The following PCDHGA4 variants were observed in gnomAD, a reference collection of about 807,000 sequenced individuals.
PCDHGA4 encodes protocadherin gamma subfamily A, 4.
PCDHGA4 carries 38 observed loss-of-function variants against 54.6 expected under a neutral mutation model. The ratio of observed to expected loss-of-function variants is 0.70; its 90% CI spans 0.54 to 0.91. The LOEUF is 0.91. Among genes scored for constraint, PCDHGA4 ranks in the 40% least tolerant of loss-of-function variants. The pLI is 0.00. For missense variants in PCDHGA4, 1,298 were observed against 1,220.9 expected (o/e 1.06, Z -0.94); for synonymous variants, 511 against 512.9 (o/e 1.00, Z 0.05).
chr5:141,460,092 T>C (rs186695697), intron 1 of PCDHGA4, among the ~76,000 whole-genome samples: 37 of 152,056 alleles, frequency 2.4e-4, no homozygotes, highest in Admixed American at 9.8e-4. Context: ...ATAATAATTA[T>C]ACATGTAATT....
intron 1 of PCDHGA4, chr5:141,423,320 T>C: frequency 6.2e-7 from 1 of 1,614,148 alleles, no homozygotes; most frequent in Non-Finnish European, 8.5e-7. Flanking sequence ...GTGGTGGCGG[T>C]GGCCGCAGTC....
chr5:141,371,942 G>A, intron 1 of PCDHGA4: 5 of 1,613,292 alleles, frequency 3.1e-6, no homozygotes, highest in South Asian at 2.2e-5. Flanking sequence ...TGGTGTTCGC[G>A]CAGCGAGCCT....
At chr5:141,458,132 G>C (rs2098938269) in intron 1 of PCDHGA4, among the ~76,000 whole-genome samples, 1 of 152,218 alleles carries the variant, frequency 6.6e-6, no homozygotes, top group South Asian at 2.1e-4. Flanking sequence ...GAACCAGGCA[G>C]AGAAAAATGA....
In PCDHGA4 at chr5:141,392,927, G is replaced by C. The variant is rs758960557; in HGVS notation, c.2514+35306G>C. The C allele has an allele frequency of 5.6e-6, 9 of 1,613,832 alleles. No homozygotes were observed. In the East Asian group the frequency reaches 2.0e-4, roughly 36 times the overall value. On this transcript the variant is annotated intron_variant, in intron 1 of 3. Coordinates refer to ENST00000571252, the MANE Select transcript of PCDHGA4 (RefSeq NM_018917.4). Reference sequence around the variant, plus strand: ...AGATTCGCTACTCTGTGCCAGAAGAGACGGACAAAGGCTCCTTCGTGGGTA... The same window carrying C: ...AGATTCGCTACTCTGTGCCAGAAGACACGGACAAAGGCTCCTTCGTGGGTA...
rs377438861 is a variant in PCDHGA4, at chr5:141,364,705, T to G, written c.2514+7084T>G. The G allele has an allele frequency of 8.1e-6, 13 of 1,613,854 alleles. No individual in the cohort carries two copies. The highest frequency in any genetic ancestry group is 6.8e-6 in the Non-Finnish European group (8 of 1,179,894). Reference sequence around the variant, plus strand: ...ATGGAGTAGAAGTAGAAATAATCGATATTAATGATAACTTCCCGCGTTTCC... The same window carrying G: ...ATGGAGTAGAAGTAGAAATAATCGAGATTAATGATAACTTCCCGCGTTTCC... On this transcript the variant is annotated intron_variant, in intron 1 of 3. Transcript: ENST00000571252.
intron 1 of PCDHGA4, chr5:141,421,488 G>C: frequency 3.1e-6 from 5 of 1,614,100 alleles, no homozygotes; most frequent in Non-Finnish European, 4.2e-6. Flanking sequence ...GCTTGATCAC[G>C]GCAGGCAGGA....
Position 141,438,593 on chromosome 5 carries a change from T to TAC in PCDHGA4, c.2515-56213_2515-56212insCA, listed in dbSNP as rs1414976871. Reference sequence around the variant, plus strand: ...TGATATACATACATACATACATACATATATATATATATATATATATATATA... The same window carrying TAC: ...TGATATACATACATACATACATACATACATATATATATATATATATATATATA... On this transcript the variant is annotated intron_variant, in intron 1 of 3. Transcript: ENST00000571252. Among the ~76,000 whole-genome samples the TAC allele has an allele frequency of 1.6e-3, 115 of 73,944 alleles. 1 individual carries two copies. The highest frequency in any genetic ancestry group is 2.9e-3 in the African/African-American group (63 of 21,786). The allele number at this position is 73,944 out of a possible 152,430, so 48.5% of individuals were successfully genotyped here. A position where few individuals can be genotyped will look rare whatever the true frequency, so the allele number is the denominator to read the frequency against.
rs777780708 is a variant in PCDHGA4, at chr5:141,489,934, G to C, written c.2515-4873G>C. ...AGGGACCACCCTTATCTCTGTCATC[G>C]TGCTGGACATCAATGATAATGCTCC... On this transcript the variant is annotated intron_variant, in intron 1 of 3. Transcript: ENST00000571252. The surrounding 1 kb of genome is among the most constrained non-coding windows in gnomAD (Gnocchi z 4.5). The C allele has an allele frequency of 1.4e-5, 23 of 1,614,176 alleles. No homozygotes were observed. Among genetic ancestry groups the C allele is most frequent in the Non-Finnish European group, 1.8e-5 (21 of 1,180,030 alleles).
At position 141,356,134 on chromosome 5, in the gene PCDHGA4, T is replaced by C. The variant is rs767798294; in HGVS notation, c.1027T>C (p.Ser343Pro). ...TILGGLDYED[S>P]GFYDIDVEAH... ...ATTGGGGGGTCTAGATTATGAGGACTCTGGATTCTATGACATAGATGTAGA... is the reference window on the plus strand; with the variant it reads ...ATTGGGGGGTCTAGATTATGAGGACCCTGGATTCTATGACATAGATGTAGA... The change falls in exon 1 of 4, where the codon TCT (serine) becomes CCT (proline). Residue 343 changes from serine to proline, a missense_variant. By Grantham distance (74) the Ser-to-Pro change is moderately conservative. Transcript: ENST00000571252. The C allele has an allele frequency of 5.6e-6, 9 of 1,613,788 alleles. No homozygotes were observed. The highest frequency in any genetic ancestry group is 7.6e-6 in the Non-Finnish European group (9 of 1,179,790).
Position 141,485,156 on chromosome 5 carries a change from A to G in PCDHGA4, c.2515-9651A>G. The G allele has an allele frequency of 6.3e-7, 1 of 1,599,118 alleles. No homozygotes were observed. The highest frequency in any genetic ancestry group is 8.6e-7 in the Non-Finnish European group (1 of 1,168,318). On this transcript the variant is annotated intron_variant, in intron 1 of 3. Transcript: ENST00000571252. The surrounding 1 kb of genome is among the most constrained non-coding windows in gnomAD (Gnocchi z 5.7). ...ATCCGCGTCTCAGGAGCAAGTAGAG[A>G]ATTAGCGGGCGGCAGCAATGCTCCG... is the stretch of plus-strand genomic sequence containing the variant.
intron 1 of PCDHGA4, among the ~76,000 whole-genome samples, chr5:141,483,907 C>T (rs545585133): frequency 6.0e-5 from 9 of 151,124 alleles, no homozygotes; most frequent in Non-Finnish European, 1.0e-4. Flanking sequence ...TGGTGTGTTT[C>T]CCACTCAGAT....
Position 141,489,902 on chromosome 5 carries a change from C to A in PCDHGA4, c.2515-4905C>A. ...ACTGCTGTGGATGGGGGGACCCCAGCCCGCTCAGGGACCACCCTTATCTCT... is the reference window on the plus strand; with the variant it reads ...ACTGCTGTGGATGGGGGGACCCCAGACCGCTCAGGGACCACCCTTATCTCT... On this transcript the variant is annotated intron_variant, in intron 1 of 3. Transcript: ENST00000571252. The surrounding 1 kb of genome is among the most constrained non-coding windows in gnomAD (Gnocchi z 4.5). 1 of 1,614,218 alleles carries A rather than the reference C, an allele frequency of 6.2e-7. No individual in the cohort carries two copies. The highest frequency in any genetic ancestry group is 8.5e-7 in the Non-Finnish European group (1 of 1,180,032).
chr5:141,394,912 T>C (rs1205097386), intron 1 of PCDHGA4: 11 of 1,613,694 alleles, frequency 6.8e-6, no homozygotes, highest in Non-Finnish European at 9.3e-6. Context: ...GTGGCTGCCA[T>C]CTCCTGTGTC....
chr5:141,426,978 G>A (rs1383521288), intron 1 of PCDHGA4: 1 of 456,770 alleles, frequency 2.2e-6, no homozygotes, highest in Non-Finnish European at 4.4e-6. Flanking sequence ...TGAGGTCACT[G>A]ATGCCAACGA....
At position 141,505,629 on chromosome 5, in the gene PCDHGA4, C is replaced by T. The variant is rs1475582931; in HGVS notation, c.2662+148C>T. 7.4e-6 allele frequency: 11 copies of T among 1,482,192 alleles called. No individual in the cohort carries two copies. The African/African-American group carries it at 9.8e-5, about 13-fold the overall frequency. The allele number at this position is 1,482,192 out of a possible 1,614,324, so 91.8% of individuals were successfully genotyped here. ...GTCTGAAAGGACCCACAATTCCAAACATAAAGCCTGGAATTGTGGCTAAGG... is the reference window on the plus strand; with the variant it reads ...GTCTGAAAGGACCCACAATTCCAAATATAAAGCCTGGAATTGTGGCTAAGG... On this transcript the variant is annotated intron_variant, in intron 3 of 3. Coordinates refer to ENST00000571252, the MANE Select transcript of PCDHGA4 (RefSeq NM_018917.4).
intron 1 of PCDHGA4, chr5:141,421,025 A>G: frequency 5.7e-6 from 3 of 526,286 alleles, no homozygotes; most frequent in East Asian, 3.2e-5. Context: ...GCTGCGCGCC[A>G]TTGAGTCCCT....
chr5:141,478,102 C>T, intron 1 of PCDHGA4: 1 of 1,614,126 alleles, frequency 6.2e-7, no homozygotes, highest in South Asian at 1.1e-5. Flanking sequence ...CTGCTACCCT[C>T]ACTGTGTCAG....
At position 141,471,056 on chromosome 5, in the gene PCDHGA4, T is replaced by C. The variant is rs1367189715; in HGVS notation, c.2515-23751T>C. On this transcript the variant is annotated intron_variant, in intron 1 of 3. Coordinates refer to ENST00000571252, the MANE Select transcript of PCDHGA4 (RefSeq NM_018917.4). ...ACAAGCCCAAGCCCTCTTTTTTTTT[T>C]TTTTTTTTTTGAGACAGGGTCTCCC... Among the ~76,000 whole-genome samples, 581 of 150,056 alleles carry C rather than the reference T, an allele frequency of 3.9e-3. 6 individuals are homozygous for C. Among genetic ancestry groups the C allele is most frequent in the Admixed American group, 0.011 (167 of 15,092 alleles).
chr5:141,409,156 A>G (rs771600341), intron 1 of PCDHGA4: 1 of 1,613,986 alleles, frequency 6.2e-7, no homozygotes, highest in Non-Finnish European at 8.5e-7. Flanking sequence ...ACACCATGGA[A>G]GTGGAAGCGA....
Sources: allele counts gnomAD v4.1 joint callset (sites outside exome capture counted in the v4.1 genomes callset), GRCh38; gene constraint gnomAD v4.1.1; non-coding constraint Gnocchi (gnomAD v3.1); transcripts MANE v1.5; gene names NCBI Gene and HGNC (gene_info 2026-07-23, HGNC 2026-07-21).